ANKS1B: variants seen among roughly 807,000 people sequenced by gnomAD.
The protein encoded by ANKS1B is ankyrin repeat and sterile alpha motif domain containing 1B.
In ANKS1B, 36 loss-of-function variants were observed where a neutral mutation model predicts 148.3. That is an observed-to-expected ratio of 0.24 (90% CI 0.19 to 0.32). The LOEUF is 0.32. ANKS1B is among the 10% of genes least tolerant of loss of function. The pLI is 1.00. For missense variants in ANKS1B, 1,157 were observed against 1,542.6 expected, an observed-to-expected ratio of 0.75 and a Z score of 4.19; for synonymous variants, 542 against 560.8, an observed-to-expected ratio of 0.97 and a Z score of 0.47.
intron 17 of ANKS1B, among the ~76,000 whole-genome samples, chr12:99,003,992 G>A (rs1179357930): frequency 6.6e-6 from 1 of 152,208 alleles, no homozygotes; most frequent in Non-Finnish European, 1.5e-5. Flanking sequence ...ATTCTGGAAA[G>A]GCTTTGAATT....
chr12:99,047,868 G>T (rs2099963507), intron 17 of ANKS1B, among the ~76,000 whole-genome samples: 1 of 152,186 alleles, frequency 6.6e-6, no homozygotes, highest in Admixed American at 6.5e-5. Flanking sequence ...GGAACTAAGG[G>T]TCTACATAAA....
At position 99,849,918 on chromosome 12, in the gene ANKS1B, T is replaced by C. The variant is rs77781535; in HGVS notation, c.135-24529A>G. Among the ~76,000 whole-genome samples the C allele has an allele frequency of 7.1e-3, 1,088 of 152,248 alleles. 10 individuals are homozygous for C. Among genetic ancestry groups the C allele is most frequent in the African/African-American group, 0.025 (1,026 of 41,568 alleles). On this transcript the variant is annotated intron_variant, in intron 1 of 26. Transcript: ENST00000683438. ...CATAGATGTAATGACTTCGTGAAAA[T>C]ACATTGTGCTGTAAACTTATGATTT...
intron 12 of ANKS1B, among the ~76,000 whole-genome samples, chr12:99,329,020 C>T (rs1446872051): frequency 6.6e-6 from 1 of 151,668 alleles, no homozygotes; most frequent in East Asian, 1.9e-4. Context: ...GAAAACATGG[C>T]AACTGAAAAT....
intron 12 of ANKS1B, among the ~76,000 whole-genome samples, chr12:99,371,251 T>C (rs2095943972): frequency 6.6e-6 from 1 of 152,098 alleles, no homozygotes; most frequent in African/African-American, 2.4e-5. Flanking sequence ...CTTGTCTAGG[T>C]AGCATGTGTA....
At chr12:99,466,466 C>CA (rs939862107) in intron 10 of ANKS1B, among the ~76,000 whole-genome samples, 3 of 151,444 alleles carry the variant, frequency 2.0e-5, no homozygotes, top group African/African-American at 7.3e-5. Flanking sequence ...AATAGAGACA[C>CA]AAAAAACCCT....
intron 9 of ANKS1B, among the ~76,000 whole-genome samples, chr12:99,629,794 T>C (rs1376737393): frequency 6.6e-6 from 1 of 152,172 alleles, no homozygotes; most frequent in Non-Finnish European, 1.5e-5. Flanking sequence ...ACTATAGTTC[T>C]GTCATTATGC....
intron 8 of ANKS1B, among the ~76,000 whole-genome samples, chr12:99,735,722 A>T (rs2059550229): frequency 6.6e-6 from 1 of 151,686 alleles, no homozygotes; most frequent in Admixed American, 6.6e-5. Flanking sequence ...AACTATTCCA[A>T]AAAAATAAAG....
At chr12:99,889,774 C>T (rs936435399) in intron 1 of ANKS1B, among the ~76,000 whole-genome samples, 1 of 152,140 alleles carries the variant, frequency 6.6e-6, no homozygotes, top group Non-Finnish European at 1.5e-5. Context: ...ATAGAATCTA[C>T]AATCTTTTTA....
intron 9 of ANKS1B, among the ~76,000 whole-genome samples, chr12:99,534,710 C>CTTTTTTT (rs143251962): frequency 5.7e-5 from 7 of 123,816 alleles, no homozygotes; most frequent in African/African-American, 1.2e-4. Flanking sequence ...TTTTTCTTTT[C>CTTTTTTT]TTTTTTTTTT....
At chr12:99,154,794 T>C in intron 14 of ANKS1B, 1 of 1,452,916 alleles carries the variant, frequency 6.9e-7, no homozygotes, top group East Asian at 2.5e-5. Flanking sequence ...TTCTTTTTTA[T>C]CAAGTACTCC....
intron 17 of ANKS1B, among the ~76,000 whole-genome samples, chr12:99,038,996 G>A (rs1054109048): frequency 6.6e-6 from 1 of 152,318 alleles, no homozygotes; most frequent in African/African-American, 2.4e-5. Context: ...GCTCTAGAAT[G>A]TAAGTTCCAT....
chr12:99,922,377 A>T (rs773877871), intron 1 of ANKS1B, among the ~76,000 whole-genome samples: 1 of 152,174 alleles, frequency 6.6e-6, no homozygotes, highest in African/African-American at 2.4e-5. Flanking sequence ...TGCAAGACTC[A>T]ATAAATATGG....
At chr12:99,049,157 G>A (rs2099964316) in intron 17 of ANKS1B, 1 of 152,100 alleles carries the variant, frequency 6.6e-6, no homozygotes, top group African/African-American at 2.4e-5. Flanking sequence ...CGTGGTGAAA[G>A]CATAACCTTT....
At chr12:99,879,629 T>C (rs1374816886) in intron 1 of ANKS1B, among the ~76,000 whole-genome samples, 3 of 152,182 alleles carry the variant, frequency 2.0e-5, no homozygotes, top group Non-Finnish European at 4.4e-5. Context: ...ATAATTAGAT[T>C]TTACATTCTT....
intron 12 of ANKS1B, among the ~76,000 whole-genome samples, chr12:99,281,666 G>GA (rs906588113): frequency 2.0e-5 from 3 of 152,088 alleles, no homozygotes; most frequent in African/African-American, 7.2e-5. Context: ...TCATGACTGT[G>GA]AAAAAATAAA....
intron 19 of ANKS1B, among the ~76,000 whole-genome samples, chr12:98,814,848 G>A (rs1441587144): frequency 6.6e-6 from 1 of 152,182 alleles, no homozygotes; most frequent in Non-Finnish European, 1.5e-5. Flanking sequence ...TGATGGTGAA[G>A]TCAACACACA....
At chr12:99,522,785 A>G (rs11109893) in intron 9 of ANKS1B, among the ~76,000 whole-genome samples, 42,365 of 152,132 alleles carry the variant, frequency 0.28, 7,177 homozygotes, top group African/African-American at 0.49. Flanking sequence ...ATGATATTTC[A>G]CCTAGAAAGA....
At chr12:99,490,474 AT>A (rs1457016821) in intron 10 of ANKS1B, among the ~76,000 whole-genome samples, 1 of 152,250 alleles carries the variant, frequency 6.6e-6, no homozygotes, top group Non-Finnish European at 1.5e-5. Context: ...TAACAAAATT[AT>A]TTTTAATTCT....
chr12:98,943,650 C>A (rs2099840555), intron 17 of ANKS1B, among the ~76,000 whole-genome samples: 1 of 152,160 alleles, frequency 6.6e-6, no homozygotes, highest in South Asian at 2.1e-4. Flanking sequence ...CCCCCTTCCA[C>A]TTTCAAAGAC....
Sources: gnomAD v4.1 joint callset for allele counts (sites outside exome capture counted in the v4.1 genomes callset) on GRCh38, gnomAD v4.1.1 for gene constraint, MANE v1.5 for transcripts, NCBI Gene and HGNC (gene_info 2026-07-23, HGNC 2026-07-21) for gene names.